PDIA6: variants seen among roughly 807,000 people sequenced by gnomAD.
PDIA6 encodes the protein protein disulfide-isomerase A6.
In PDIA6, 29 loss-of-function variants were observed where a neutral mutation model predicts 58.4. That is an observed-to-expected ratio of 0.50 (90% CI 0.37 to 0.68). PDIA6 has a LOEUF of 0.68. Among genes scored for constraint, PDIA6 ranks in the 30% least tolerant of loss-of-function variants. PDIA6 has a pLI of 0.00. For missense variants in PDIA6, 480 were observed against 551.0 expected, an observed-to-expected ratio of 0.87 and a Z score of 1.29; for synonymous variants, 192 against 202.6, an observed-to-expected ratio of 0.95 and a Z score of 0.44.
At chr2:10,786,015 C>T (rs780459222) in intron 11 of PDIA6, among the ~76,000 whole-genome samples, 1 of 152,136 alleles carries the variant, frequency 6.6e-6, no homozygotes, top group South Asian at 2.1e-4. Context: ...CACCCAGCCC[C>T]ACAAACTTAA....
chr2:10,837,530 C>T (rs987518341), exon 1 of PDIA6: 4 of 716,510 alleles, frequency 5.6e-6, no homozygotes, highest in African/African-American at 5.2e-5. Context: ...TTACCACGAT[C>T]CGAGCGCCGT....
chr2:10,804,288 G>A (rs1666643627), intron 1 of PDIA6, among the ~76,000 whole-genome samples: 1 of 147,668 alleles, frequency 6.8e-6, no homozygotes, highest in African/African-American at 2.5e-5. Context: ...TTTCTTCTAG[G>A]GTTTTTATGG....
At chr2:10,787,971 C>G (rs542625628) in intron 10 of PDIA6, among the ~76,000 whole-genome samples, 1 of 149,098 alleles carries the variant, frequency 6.7e-6, no homozygotes, top group East Asian at 2.0e-4. Context: ...GAGGCTAAGG[C>G]AGGAGGATCT....
At position 10,812,722 on chromosome 2, in the gene PDIA6, C is replaced by T. The variant is rs1325711962; in HGVS notation, c.-26G>A. On this transcript the variant is annotated 5_prime_UTR_variant, in exon 1 of 13. Coordinates refer to ENST00000272227, the MANE Select transcript of PDIA6 (RefSeq NM_005742.4). ...GCCGAGCGCCGGGCTACGTGCAGTCCCCACCGCCGCCGCCGCTTCAGCCCT... is the reference window on the plus strand; with the variant it reads ...GCCGAGCGCCGGGCTACGTGCAGTCTCCACCGCCGCCGCCGCTTCAGCCCT... 3 of 1,501,554 alleles carry T rather than the reference C, an allele frequency of 2.0e-6. No homozygotes were observed. Among genetic ancestry groups the T allele is most frequent in the South Asian group, 2.4e-5 (2 of 81,828 alleles). The allele number at this position is 1,501,554 out of a possible 1,614,324, so 93.0% of individuals were successfully genotyped here.
chr2:10,797,046 A>G, intron 4 of PDIA6, 35 bp downstream of exon 4: 1 of 1,601,978 alleles, frequency 6.2e-7, no homozygotes, highest in Non-Finnish European at 8.5e-7. Context: ...GTTCTTGTCT[A>G]CCAGGGGAAT....
chr2:10,821,946 T>TAA (rs34808017), intron 1 of PDIA6, among the ~76,000 whole-genome samples: 15 of 141,388 alleles, frequency 1.1e-4, no homozygotes, highest in Non-Finnish European at 1.9e-4. Context: ...TTTTTAAAAT[T>TAA]AAAAAAAAAA....
rs1213636458 is a variant in PDIA6 at position 10,790,692 on chromosome 2, T to C, written c.699+27A>G. On this transcript the variant is annotated intron_variant, in intron 7 of 12. Transcript: ENST00000272227. ...TAACGAAACACCATGTATTTCACAA[T>C]GAAATGAGCCTTATAAGTATACTCA... 5 of 1,494,620 alleles carry C rather than the reference T, an allele frequency of 3.3e-6. No homozygotes were observed. In the South Asian group the frequency reaches 5.6e-5, roughly 17 times the overall value. The allele number at this position is 1,494,620 out of a possible 1,614,324, so 92.6% of individuals were successfully genotyped here.
upstream of PDIA6, among the ~76,000 whole-genome samples, chr2:10,813,116 C>G (rs1019550058): frequency 2.0e-5 from 3 of 152,210 alleles, no homozygotes; most frequent in South Asian, 2.1e-4. Context: ...CACCCCGCCT[C>G]CTCCTTGCCT....
chr2:10,798,566 C>CT (rs1666368457), intron 2 of PDIA6, among the ~76,000 whole-genome samples: 1 of 96,980 alleles, frequency 1.0e-5, no homozygotes, highest in South Asian at 4.1e-4. Flanking sequence ...AGACTCTGTC[C>CT]CCCACCCAAA....
chr2:10,825,358 G>A (rs1268395740), intron 1 of PDIA6, among the ~76,000 whole-genome samples: 1 of 151,816 alleles, frequency 6.6e-6, no homozygotes, highest in Non-Finnish European at 1.5e-5. Context: ...GACTAATACG[G>A]TATCTTAAAA....
At chr2:10,832,211 G>A (rs930784449) in exon 1 of PDIA6, 16 of 156,522 alleles carry the variant, frequency 1.0e-4, no homozygotes, top group East Asian at 1.9e-4. Context: ...CCCCACGGGC[G>A]TGTGAATTCA....
chr2:10,784,657 T>C (rs558587925), intron 12 of PDIA6: 117 of 507,712 alleles, frequency 2.3e-4, no homozygotes, highest in Non-Finnish European at 4.8e-5. Flanking sequence ...ATAAAGTAAA[T>C]GAATTCCAGG....
chr2:10,819,230 G>A (rs1219293462), intron 2 of PDIA6: 2 of 1,236,050 alleles, frequency 1.6e-6, no homozygotes, highest in Admixed American at 2.1e-5. Flanking sequence ...TTTGGCTGTT[G>A]TGAACAGATG....
intron 7 of PDIA6, among the ~76,000 whole-genome samples, chr2:10,790,216 T>C (rs1030286267): frequency 6.6e-6 from 1 of 151,736 alleles, no homozygotes; most frequent in Non-Finnish European, 1.5e-5. Flanking sequence ...TGGCCTCAAG[T>C]GATCCTTGGC....
intron 1 of PDIA6, among the ~76,000 whole-genome samples, chr2:10,825,561 A>G (rs1667530987): frequency 6.6e-6 from 1 of 152,216 alleles, no homozygotes; most frequent in East Asian, 1.9e-4. Context: ...GGGATAAAAT[A>G]TTTGCAATGA....
rs531370586 is a variant in PDIA6, at chr2:10,826,621, A to G, written c.-48+5581T>C. On this transcript the variant is annotated intron_variant, in intron 1 of 13. Transcript: ENST00000381611. Reference sequence around the variant, plus strand: ...GTGATCTGCTTGCCTCAGCCTCCCAAAGTGCTGGGATTACAGGCGTGAGCC... The same window carrying G: ...GTGATCTGCTTGCCTCAGCCTCCCAGAGTGCTGGGATTACAGGCGTGAGCC... 3.5e-4 allele frequency among the ~76,000 whole-genome samples: 54 copies of G among 152,236 alleles called. No homozygotes were observed. The Middle Eastern group carries it at 0.014, about 38-fold the overall frequency.
intron 1 of PDIA6, among the ~76,000 whole-genome samples, chr2:10,822,462 C>T (rs530967430): frequency 1.1e-4 from 16 of 152,156 alleles, no homozygotes; most frequent in Non-Finnish European, 2.1e-4. Flanking sequence ...TGGAGTTTCA[C>T]CCTGTTAGCC....
At chr2:10,817,633 A>G (rs1038885221), upstream of PDIA6, among the ~76,000 whole-genome samples, 7 of 152,152 alleles carry the variant, frequency 4.6e-5, no homozygotes, top group East Asian at 9.6e-4. Context: ...GATAATCCCA[A>G]CTGCTTAGCC....
At chr2:10,831,661 A>C (rs771611620) in intron 1 of PDIA6, among the ~76,000 whole-genome samples, 1 of 152,118 alleles carries the variant, frequency 6.6e-6, no homozygotes, top group Non-Finnish European at 1.5e-5. Flanking sequence ...TGCTCACTGG[A>C]CAGGATTGGC....
Sources: gnomAD v4.1 joint callset for allele counts (sites outside exome capture counted in the v4.1 genomes callset) on GRCh38, gnomAD v4.1.1 for gene constraint, MANE v1.5 for transcripts, NCBI Gene and HGNC (gene_info 2026-07-23, HGNC 2026-07-21) for gene names.